The following ZNF287 variants were observed in gnomAD, a reference collection of about 807,000 sequenced individuals.
ZNF287 encodes zinc finger protein 287.
Under a neutral mutation model 73.7 loss-of-function variants are expected in ZNF287, and 31 were observed. The observed-to-expected ratio is 0.42, with a 90% confidence interval of 0.32 to 0.57. The LOEUF (loss-of-function observed/expected upper bound fraction) is 0.57. ZNF287 is among the 20% of genes least tolerant of loss of function. The probability of loss-of-function intolerance (pLI) is 0.13; values close to 1 mark genes in which losing one functional copy is unlikely to be tolerated. For missense variants in ZNF287, 641 were observed against 909.3 expected, an observed-to-expected ratio of 0.70 and a Z score of 3.79; for synonymous variants, 301 against 307.2, an observed-to-expected ratio of 0.98 and a Z score of 0.21.
intron 5 of ZNF287, 104 bp downstream of exon 5, chr17:16,563,042 G>C (rs1385486114): frequency 3.6e-6 from 3 of 826,154 alleles, no homozygotes; most frequent in Non-Finnish European, 5.9e-6. Context: ...AGGCTAGAAT[G>C]CCTTTGCAAA....
At chr17:16,568,336 A>G (rs990865646) in intron 1 of ZNF287, among the ~76,000 whole-genome samples, 1 of 152,160 alleles carries the variant, frequency 6.6e-6, no homozygotes, top group Non-Finnish European at 1.5e-5. Context: ...TCTTCTTAAT[A>G]CAGTGCTCAA....
rs897411013 is a variant in ZNF287, at chr17:16,551,105, GT to G, written c.*750del. Among the ~76,000 whole-genome samples, 1 of 149,570 alleles carries G rather than the reference GT, an allele frequency of 6.7e-6. No individual in the cohort carries two copies. Among genetic ancestry groups the G allele is most frequent in the Non-Finnish European group, 1.5e-5 (1 of 67,280 alleles). On this transcript the variant is annotated 3_prime_UTR_variant, in exon 6 of 6. Coordinates refer to ENST00000395825, the MANE Select transcript of ZNF287 (RefSeq NM_020653.4). ...AGAAATCTTTAAGATACTTCCAACTGTTTTTTTTTCAAACCTACTGGCTCCA... is the reference window on the plus strand; with the variant it reads ...AGAAATCTTTAAGATACTTCCAACTGTTTTTTTTCAAACCTACTGGCTCCA...
chr17:16,553,446 A>T lies in ZNF287; in HGVS notation c.716-20T>A, dbSNP rs111484319. ...CCCATTCTGAAATAAAAAATATATT[A>T]AAAAATCTTCATTTATTTGGAGAAA... On this transcript the variant is annotated intron_variant, in intron 5 of 5. Transcript: ENST00000395825. 0.011 allele frequency: 16,314 copies of T among 1,450,460 alleles called. 129 individuals carry two copies. The highest frequency in any genetic ancestry group is 0.012 in the Non-Finnish European group (13,538 of 1,098,280). 89.8% of individuals were successfully genotyped at this position (1,450,460 alleles called of 1,614,324 possible).
intron 5 of ZNF287, among the ~76,000 whole-genome samples, chr17:16,560,759 T>C (rs929842285): frequency 1.3e-3 from 205 of 151,872 alleles, no homozygotes; most frequent in African/African-American, 4.8e-3. Flanking sequence ...ATCCCAGCAC[T>C]TTGGGAGGCC....
Position 16,567,422 on chromosome 17 carries a change from C to G in ZNF287, c.310G>C (p.Glu104Gln). ...TGGGACTTTACCCAAGTCCTAACCT[C>G]ACCAGGCAGGATGGTCAGGAATTGC... The part of the protein sequence containing the change: ...LEQFLTILPG[E>Q]VRTWVKSQYP... Residue 104 changes from glutamate (E) to glutamine (Q), a missense_variant, in exon 2 of 6, where the codon GAG (glutamate) becomes CAG (glutamine). Physicochemically the swap from Glu to Gln is conservative, Grantham distance 29. Coordinates refer to ENST00000395825, the MANE Select transcript of ZNF287 (RefSeq NM_020653.4). The G allele has an allele frequency of 1.2e-6, 2 of 1,614,226 alleles. No individual in the cohort carries two copies. Among genetic ancestry groups the G allele is most frequent in the Non-Finnish European group, 1.7e-6 (2 of 1,180,034 alleles).
At chr17:16,556,435 C>T (rs7220797) in intron 5 of ZNF287, among the ~76,000 whole-genome samples, 12,119 of 152,058 alleles carry the variant, frequency 0.08, 1,627 homozygotes, top group African/African-American at 0.28. Flanking sequence ...TATAAGTTTT[C>T]TGGTTTCTAA....
In ZNF287 at chr17:16,552,134, G is replaced by A; in HGVS notation, c.2008C>T (p.His670Tyr). ...GANLTQHQRIHTGEKPYKCNE... is the reference protein window; with the variant it reads ...GANLTQHQRIYTGEKPYKCNE... ...CATTTATAGGGTTTTTCTCCAGTATGAATCCTTTGATGCTGAGTAAGATTT... is the reference window on the plus strand; with the variant it reads ...CATTTATAGGGTTTTTCTCCAGTATAAATCCTTTGATGCTGAGTAAGATTT... The change falls in exon 6 of 6, where the codon CAT becomes TAT. Residue 670 changes from histidine (H) to tyrosine (Y), a missense_variant. Around this residue, in one of 2 missense-constraint regions of ZNF287, gnomAD observed 284 missense variants for 466.8 expected, o/e 0.61. Coordinates refer to ENST00000395825, the MANE Select transcript of ZNF287 (RefSeq NM_020653.4). The surrounding 1 kb of genome is among the most constrained non-coding windows in gnomAD (Gnocchi z 6.5). The A allele has an allele frequency of 6.2e-7, 1 of 1,614,094 alleles. No individual in the cohort carries two copies. The highest frequency in any genetic ancestry group is 8.5e-7 in the Non-Finnish European group (1 of 1,179,974).
intron 3 of ZNF287, 108 bp downstream of exon 3, chr17:16,566,417 A>T: frequency 1.2e-6 from 1 of 833,380 alleles, no homozygotes; most frequent in Non-Finnish European, 1.9e-6. Context: ...ACTGGGGCTT[A>T]AGTCCTTGAT....
At position 16,552,538 on chromosome 17, in the gene ZNF287, G is replaced by T. The variant is rs750033614; in HGVS notation, c.1604C>A (p.Pro535Gln). ...TTTCCAACATTCATTGCATTTATAT[G>T]GTTTCTTCCCAGTATGTATTTTTTG... ...QHQKIHTGKK[P>Q]YKCNECWKVF... is the part of the protein sequence containing the mutation. The change falls in exon 6 of 6, where the codon CCA (proline) becomes CAA (glutamine). Residue 535 changes from proline (P) to glutamine (Q), a missense_variant. By Grantham distance (76) the Pro-to-Gln change is moderately conservative. This residue lies in a region of ZNF287 where 284 missense variants were observed against 466.8 expected (regional missense o/e 0.61). Transcript: ENST00000395825. The surrounding 1 kb of genome is among the most constrained non-coding windows in gnomAD (Gnocchi z 6.5). 2.5e-6 allele frequency: 4 copies of T among 1,613,950 alleles called. No homozygotes were observed. In the African/African-American group the frequency reaches 4.0e-5, roughly 16 times the overall value.
Position 16,553,109 on chromosome 17 carries a change from C to T in ZNF287, c.1033G>A (p.Gly345Ser), listed in dbSNP as rs1364939545. 4 of 1,614,062 alleles carry T rather than the reference C, an allele frequency of 2.5e-6. No homozygotes were observed. The highest frequency in any genetic ancestry group is 3.4e-6 in the Non-Finnish European group (4 of 1,179,956). Reference sequence around the variant, plus strand: ...GAGACATGATTGAAGGTTGCCCTGCCTTCATTATACACAGAAGTTTTATTA... The same window carrying T: ...GAGACATGATTGAAGGTTGCCCTGCTTTCATTATACACAGAAGTTTTATTA... ...LDNKTSVYNEGRATFNHVSYG... is the reference protein window; with the variant it reads ...LDNKTSVYNESRATFNHVSYG... Residue 345 changes from glycine to serine, a missense_variant, in exon 6 of 6, where the codon GGC becomes AGC. By Grantham distance (56) the Gly-to-Ser change is moderately conservative. Coordinates refer to ENST00000395825, the MANE Select transcript of ZNF287 (RefSeq NM_020653.4).
At chr17:16,560,101 TGCCACCACACCCA>T (rs1275856572) in intron 5 of ZNF287, among the ~76,000 whole-genome samples, 1 of 148,530 alleles carries the variant, frequency 6.7e-6, no homozygotes, top group East Asian at 2.1e-4. Flanking sequence ...TACAGGCACG[TGCCACCACACCCA>T]GCTAATTTTT....
At position 16,567,587 on chromosome 17, in the gene ZNF287, G is replaced by T. The variant is rs759184030; in HGVS notation, c.145C>A (p.Arg49=). 2 of 1,614,000 alleles carry T rather than the reference G, an allele frequency of 1.2e-6. No homozygotes were observed. The highest frequency in any genetic ancestry group is 2.7e-5 in the African/African-American group (2 of 74,874). ...TATGGAAAATTCCTAAAATTCTGTC[G>T]ACAGGTCTCAGTGTCACGCAAGAAT... ...SRFLRDTETC[R]QNFRNFPYPD... is the part of the protein sequence containing the mutation. The change falls in exon 2 of 6, where the codon CGA becomes AGA. Residue 49 remains arginine (R), a synonymous_variant. Transcript: ENST00000395825.
chr17:16,569,085 C>G lies in ZNF287; in HGVS notation c.-332G>C, dbSNP rs1907924232. Reference sequence around the variant, plus strand: ...GCGGATCCTCGGGCTCCGCCACTTCCCTTCCCCGCAAAGCACAGAGTGTCC... The same window carrying G: ...GCGGATCCTCGGGCTCCGCCACTTCGCTTCCCCGCAAAGCACAGAGTGTCC... On this transcript the variant is annotated 5_prime_UTR_variant, in exon 1 of 6. Transcript: ENST00000395825. 1 of 152,610 alleles carries G rather than the reference C, an allele frequency of 6.6e-6. No individual in the cohort carries two copies. Among genetic ancestry groups the G allele is most frequent in the Non-Finnish European group, 1.5e-5 (1 of 68,356 alleles). The allele number at this position is 152,610 out of a possible 1,614,324, so 9.5% of individuals were successfully genotyped here.
rs1569008449 is a variant in ZNF287, at chr17:16,548,194, TG to T, written c.*3661del. Reference sequence around the variant, plus strand: ...GTTGGCAATCAAAATATCCATGTGCTGCCAGTGTCAGTCCACAGATTAATTG... The same window carrying T: ...GTTGGCAATCAAAATATCCATGTGCTCCAGTGTCAGTCCACAGATTAATTG... On this transcript the variant is annotated 3_prime_UTR_variant, in exon 6 of 6. Transcript: ENST00000395825. Among the ~76,000 whole-genome samples, 1 of 152,232 alleles carries T rather than the reference TG, an allele frequency of 6.6e-6. No individual in the cohort carries two copies. Among genetic ancestry groups the T allele is most frequent in the Non-Finnish European group, 1.5e-5 (1 of 68,048 alleles).
chr17:16,555,011 T>C (rs773683338), intron 5 of ZNF287, among the ~76,000 whole-genome samples: 5 of 152,150 alleles, frequency 3.3e-5, no homozygotes, highest in Admixed American at 1.3e-4. Flanking sequence ...AGCAACCTTA[T>C]ATGGTTCAAC....
At chr17:16,566,348 C>T (rs1436230384) in intron 3 of ZNF287, among the ~76,000 whole-genome samples, 177 bp downstream of exon 3, 2 of 152,140 alleles carry the variant, frequency 1.3e-5, no homozygotes, top group Non-Finnish European at 2.9e-5. Flanking sequence ...GCAATGGAAG[C>T]ACCTTTTCTT....
At chr17:16,560,375 A>G (rs1907356279) in intron 5 of ZNF287, among the ~76,000 whole-genome samples, 1 of 143,692 alleles carries the variant, frequency 7.0e-6, no homozygotes. Flanking sequence ...TTTGAGGTGG[A>G]GTCTAGCTCT....
rs750410211 is a variant in ZNF287 at position 16,565,368 on chromosome 17, G to A, written c.501+1157C>T. Among the ~76,000 whole-genome samples, 11 of 150,866 alleles carry A rather than the reference G, an allele frequency of 7.3e-5. No individual in the cohort carries two copies. The South Asian group carries it at 8.4e-4, about 12-fold the overall frequency. On this transcript the variant is annotated intron_variant, in intron 3 of 5. Transcript: ENST00000395825. ...GTTTTAGATATTTTAAATTTTTTTC[G>A]GGGGTGTGATACTGGAGGCATTTTT... is the stretch of plus-strand genomic sequence containing the variant.
intron 5 of ZNF287, among the ~76,000 whole-genome samples, chr17:16,555,633 CA>C (rs1906999824): frequency 6.6e-6 from 1 of 151,178 alleles, no homozygotes; most frequent in East Asian, 1.9e-4. Context: ...CACACACACA[CA>C]CACACACCCC....
Sources: gnomAD v4.1 joint callset for allele counts (sites outside exome capture counted in the v4.1 genomes callset) on GRCh38, gnomAD v4.1.1 for gene constraint, gnomAD v4.1.1 regional missense constraint, Gnocchi (gnomAD v3.1) non-coding constraint, MANE v1.5 for transcripts, NCBI Gene and HGNC (gene_info 2026-07-23, HGNC 2026-07-21) for gene names.